Variants in DTHD1 observed in about 807,000 individuals in gnomAD.
DTHD1 encodes death domain containing 1.
Under a neutral mutation model 74.8 loss-of-function variants are expected in DTHD1, and 59 were observed. The observed-to-expected ratio is 0.79, with a 90% confidence interval of 0.64 to 0.98. The LOEUF (loss-of-function observed/expected upper bound fraction) is 0.98, where lower values mean the gene tolerates loss of function less well. DTHD1 is among the 50% of genes least tolerant of loss of function. The probability of loss-of-function intolerance (pLI) is 0.00; values close to 1 mark genes in which losing one functional copy is unlikely to be tolerated. For synonymous variants in DTHD1, 365 were observed against 371.1 expected (o/e 0.98, Z 0.19); for missense variants, 1,051 against 1,065.4 (o/e 0.99, Z 0.19).
At chr4:36,341,768 T>C (rs1305208925) in intron 9 of DTHD1, among the ~76,000 whole-genome samples, 2 of 152,124 alleles carry the variant, frequency 1.3e-5, no homozygotes, top group Admixed American at 6.6e-5. Flanking sequence ...AAGACCATCA[T>C]TGATGTGCAT....
At chr4:36,294,036 T>A (rs1294214576) in intron 4 of DTHD1, among the ~76,000 whole-genome samples, 2 of 151,992 alleles carry the variant, frequency 1.3e-5, no homozygotes, top group East Asian at 3.8e-4. Flanking sequence ...ATACATATAA[T>A]TCAAAGATTT....
chr4:36,289,300 A>G (rs1235924666), intron 2 of DTHD1, among the ~76,000 whole-genome samples: 2 of 152,188 alleles, frequency 1.3e-5, no homozygotes, highest in Non-Finnish European at 2.9e-5. Flanking sequence ...TTAGGCCAAC[A>G]CATTATTGTA....
chr4:36,336,813 A>G (rs1296344987), intron 8 of DTHD1, among the ~76,000 whole-genome samples: 2 of 152,274 alleles, frequency 1.3e-5, no homozygotes, highest in African/African-American at 4.8e-5. Flanking sequence ...GAAAAGAAAA[A>G]TAAAAGTTTT....
At position 36,343,753 on chromosome 4, in the gene DTHD1, G is replaced by C. The variant is rs767373613; in HGVS notation, c.2650G>C (p.Glu884Gln). The change falls in exon 10 of 10, where the codon GAG becomes CAG. Residue 884 changes from glutamate (E) to glutamine (Q), a missense_variant. Coordinates refer to ENST00000639862, the MANE Select transcript of DTHD1 (RefSeq NM_001170700.3). ...RKIGRSDLAE[E>Q]LKFKWENKVF... The stretch of plus-strand genomic sequence containing the variant: ...GATTGGCAGGAGTGATCTTGCAGAA[G>C]AGCTCAAATTCAAGTGGGAAAATAA... 49 of 1,551,478 alleles carry C rather than the reference G, an allele frequency of 3.2e-5. No individual in the cohort carries two copies. The African/African-American group carries it at 6.3e-4, about 20-fold the overall frequency.
chr4:36,313,616 A>G (rs1263954385), intron 7 of DTHD1, among the ~76,000 whole-genome samples: 1 of 152,238 alleles, frequency 6.6e-6, no homozygotes, highest in African/African-American at 2.4e-5. Context: ...TAAATCTTCA[A>G]TAATTTCATC....
intron 5 of DTHD1, among the ~76,000 whole-genome samples, chr4:36,299,034 C>G (rs535984662): frequency 5.7e-4 from 87 of 152,234 alleles, no homozygotes; most frequent in African/African-American, 2.0e-3. Flanking sequence ...AAGTATGCAT[C>G]TCCTTACTTG....
chr4:36,317,591 T>A (rs1757806232), intron 8 of DTHD1, among the ~76,000 whole-genome samples: 1 of 152,222 alleles, frequency 6.6e-6, no homozygotes. Flanking sequence ...ACATCTTAAA[T>A]AGTTACTATT....
intron 2 of DTHD1, among the ~76,000 whole-genome samples, chr4:36,286,773 T>G (rs1360815591): frequency 6.6e-6 from 1 of 152,226 alleles, no homozygotes; most frequent in Admixed American, 6.5e-5. Context: ...AGTATGTTAC[T>G]ATACGGAATA....
intron 3 of DTHD1, among the ~76,000 whole-genome samples, chr4:36,291,768 C>T (rs1315463763): frequency 6.6e-6 from 1 of 152,114 alleles, no homozygotes; most frequent in Non-Finnish European, 1.5e-5. Context: ...GCGGAGGGTG[C>T]GGTGAGCCGA....
rs538991701 is a variant in DTHD1, at chr4:36,329,122, G to A, written c.2341-9990G>A. On this transcript the variant is annotated intron_variant, in intron 8 of 9. Transcript: ENST00000639862. ...CAAGCCAGATCCTTGTTTTCCTTACGTCCACCACTTTTACCACTATGTCAT... is the reference window on the plus strand; with the variant it reads ...CAAGCCAGATCCTTGTTTTCCTTACATCCACCACTTTTACCACTATGTCAT... 1.1e-4 allele frequency among the ~76,000 whole-genome samples: 17 copies of A among 152,102 alleles called. No homozygotes were observed. In the Middle Eastern group the frequency reaches 0.014, roughly 122 times the overall value.
chr4:36,337,798 TG>T (rs1294454044), intron 8 of DTHD1, among the ~76,000 whole-genome samples: 15 of 152,348 alleles, frequency 9.8e-5, no homozygotes, highest in African/African-American at 3.6e-4. Context: ...GGAAGCAGTA[TG>T]CTACTCATTA....
Position 36,322,558 on chromosome 4 carries a change from A to G in DTHD1, c.2340+6072A>G, listed in dbSNP as rs542560603. On this transcript the variant is annotated intron_variant, in intron 8 of 9. Transcript: ENST00000639862. ...AGTGGGAGACGCAGCAAGTTCCAAGACTCCGAGACGGGCACGCATTTCAAG... is the reference window on the plus strand; with the variant it reads ...AGTGGGAGACGCAGCAAGTTCCAAGGCTCCGAGACGGGCACGCATTTCAAG... Among the ~76,000 whole-genome samples, 12 of 151,676 alleles carry G rather than the reference A, an allele frequency of 7.9e-5. No homozygotes were observed. The South Asian group carries it at 1.9e-3, about 24-fold the overall frequency.
intron 6 of DTHD1, 69 bp downstream of exon 6, chr4:36,306,421 A>G: frequency 2.2e-6 from 3 of 1,381,906 alleles, no homozygotes; most frequent in Non-Finnish European, 2.9e-6. Context: ...GTTTATAGAA[A>G]TGGAATAGTA....
chr4:36,298,959 A>G (rs1222487676), intron 5 of DTHD1, among the ~76,000 whole-genome samples: 2 of 152,142 alleles, frequency 1.3e-5, no homozygotes, highest in Non-Finnish European at 2.9e-5. Flanking sequence ...TGTAAGTCAC[A>G]CCATATAATG....
In DTHD1 at chr4:36,334,357, GGTT is replaced by G. The variant is rs751226948; in HGVS notation, c.2341-4754_2341-4752del. 2.3e-3 allele frequency among the ~76,000 whole-genome samples: 188 copies of G among 82,482 alleles called. 1 individual carries two copies. The South Asian group carries it at 0.055, about 24-fold the overall frequency. The allele number at this position is 82,482 out of a possible 152,430, so 54.1% of individuals were successfully genotyped here. ...ACCACTGCCTACTTTTATTTTTTTT[GGTT>G]TTTTTTTTTTTTTTTTCTTTCAGAG... On this transcript the variant is annotated intron_variant, in intron 8 of 9. Transcript: ENST00000639862.
intron 8 of DTHD1, among the ~76,000 whole-genome samples, chr4:36,321,083 T>C (rs1758011394): frequency 6.6e-6 from 1 of 152,242 alleles, no homozygotes; most frequent in Non-Finnish European, 1.5e-5. Context: ...TCAGCCTCTG[T>C]AGTTCATTCA....
rs9995922 is a variant in DTHD1, at chr4:36,316,348, T to C, written c.2202T>C (p.Ser734=). Residue 734 remains serine, a synonymous_variant, in exon 8 of 10, where the codon AGT becomes AGC. Transcript: ENST00000639862. ...IKEVDEFGNY[S]CPHYKGTIVV... ...AAGTGGACGAATTTGGAAACTATAG[T>C]TGCCCTCATTACAAAGGCACCATTG... 566,796 of 1,551,682 alleles carry C rather than the reference T, an allele frequency of 0.37. 106,428 individuals are homozygous for C. Among genetic ancestry groups the C allele is most frequent in the African/African-American group, 0.51 (37,077 of 73,070 alleles).
intron 5 of DTHD1, 25 bp downstream of exon 5, chr4:36,295,064 A>G (rs1756320793): frequency 6.7e-7 from 1 of 1,500,946 alleles, no homozygotes; most frequent in Non-Finnish European, 8.9e-7. Flanking sequence ...AATATTGTAA[A>G]CTGGCTTAAT....
Position 36,281,809 on chromosome 4 carries a change from G to A in DTHD1, c.51G>A (p.Gln17=), listed in dbSNP as rs947502910. The A allele has an allele frequency of 8.0e-6, 10 of 1,242,312 alleles. No individual in the cohort carries two copies. Among genetic ancestry groups the A allele is most frequent in the African/African-American group, 6.2e-5 (4 of 64,744 alleles). The allele number at this position is 1,242,312 out of a possible 1,614,324, so 77.0% of individuals were successfully genotyped here. ...GSGKLGQILK[Q]IWRQNQMLKQ... ...GTAAACTGGGCCAAATATTGAAGCAGATTTGGAGACAAAACCAGATGCTAA... is the reference window on the plus strand; with the variant it reads ...GTAAACTGGGCCAAATATTGAAGCAAATTTGGAGACAAAACCAGATGCTAA... Residue 17 remains glutamine, a synonymous_variant, in exon 1 of 10, where the codon CAG becomes CAA. Transcript: ENST00000639862.
Sources: gnomAD v4.1 joint callset for allele counts (sites outside exome capture counted in the v4.1 genomes callset) on GRCh38, gnomAD v4.1.1 for gene constraint, MANE v1.5 for transcripts, NCBI Gene and HGNC (gene_info 2026-07-23, HGNC 2026-07-21) for gene names.